The following HTRA3 variants were observed in gnomAD, a reference collection of about 807,000 sequenced individuals.
HTRA3 encodes HtrA serine peptidase 3.
A neutral mutation model predicts 43.2 loss-of-function variants in HTRA3; 41 were observed. The observed-to-expected ratio is 0.95, with a 90% CI of 0.74 to 1.23. HTRA3 has a LOEUF of 1.23. Ranked by LOEUF, HTRA3 falls within the 50% of genes most tolerant of loss-of-function variation. HTRA3 has a pLI of 0.00. For synonymous variants in HTRA3, 295 were observed against 287.9 expected, an observed-to-expected ratio of 1.02 and a Z score of -0.25; for missense variants, 628 against 647.1, an observed-to-expected ratio of 0.97 and a Z score of 0.32.
At chr4:8,282,277 G>A (rs1712777410) in intron 1 of HTRA3, among the ~76,000 whole-genome samples, 160 bp from the exon 2 acceptor site, 1 of 152,206 alleles carries the variant, frequency 6.6e-6, no homozygotes. Flanking sequence ...CTGCTGTGTG[G>A]TAGGGGGTCC....
At chr4:8,302,552 C>G in intron 7 of HTRA3, 41 bp downstream of exon 7, 1 of 1,596,844 alleles carries the variant, frequency 6.3e-7, no homozygotes, top group South Asian at 1.1e-5. Flanking sequence ...ACCCCTTCCT[C>G]TCATCCCTCA....
chr4:8,305,930 G>A, intron 8 of HTRA3, 41 bp from the exon 9 acceptor site: 1 of 1,610,246 alleles, frequency 6.2e-7, no homozygotes, highest in Non-Finnish European at 8.5e-7. Context: ...GGCTGTGCCT[G>A]GGGAGGCGGT....
rs1712971059 is a variant in HTRA3, at chr4:8,286,501, C to T, written c.486-60C>T. 2.1e-6 allele frequency: 3 copies of T among 1,418,308 alleles called. No homozygotes were observed. The highest frequency in any genetic ancestry group is 1.2e-5 in the South Asian group (1 of 83,504). 87.9% of individuals were successfully genotyped at this position (1,418,308 alleles called of 1,614,324 possible). A position where few individuals can be genotyped will look rare whatever the true frequency, so the allele number is the denominator to read the frequency against. ...CTCGCTGACCAGCCCCACCACTGCG[C>T]CTGACTCCCCCGCGTCCTAGCCCCA... On this transcript the variant is annotated intron_variant, in intron 2 of 8. Transcript: ENST00000307358. The surrounding 1 kb of genome is among the most constrained non-coding windows in gnomAD (Gnocchi z 4.9).
chr4:8,296,359 G>C lies in HTRA3; in HGVS notation c.1051+2158G>C. The C allele has an allele frequency of 1.0e-6, 1 of 985,452 alleles. No homozygotes were observed. Among genetic ancestry groups the C allele is most frequent in the Non-Finnish European group, 1.2e-6 (1 of 829,962 alleles). The allele number at this position is 985,452 out of a possible 1,614,324, so 61.0% of individuals were successfully genotyped here. On this transcript the variant is annotated intron_variant, in intron 6 of 8. Coordinates refer to ENST00000307358, the MANE Select transcript of HTRA3 (RefSeq NM_053044.5). This position sits in a 1 kb window ranked among gnomAD's most constrained non-coding sequence, Gnocchi z 5.3. ...TCCCCAAGGACAGTGCAGACTAACT[G>C]AGGAGCCTGATAAACCTTAGCTGCA... is the stretch of plus-strand genomic sequence containing the variant.
Position 8,296,184 on chromosome 4 carries a change from T to C in HTRA3, c.1051+1983T>C. 1 of 986,928 alleles carries C rather than the reference T, an allele frequency of 1.0e-6. No homozygotes were observed. The highest frequency in any genetic ancestry group is 1.2e-6 in the Non-Finnish European group (1 of 830,972). 61.1% of individuals were successfully genotyped at this position (986,928 alleles called of 1,614,324 possible). On this transcript the variant is annotated intron_variant, in intron 6 of 8. Coordinates refer to ENST00000307358, the MANE Select transcript of HTRA3 (RefSeq NM_053044.5). The surrounding 1 kb of genome is among the most constrained non-coding windows in gnomAD (Gnocchi z 5.3). ...TCCTTGGAAGTGGATGATAGTGTCC[T>C]CTTCCCTTCTTGCCTCTCTCTTTCT...
At chr4:8,274,601 A>G (rs1453167966) in intron 1 of HTRA3, among the ~76,000 whole-genome samples, 1 of 152,220 alleles carries the variant, frequency 6.6e-6, no homozygotes, top group Non-Finnish European at 1.5e-5. Flanking sequence ...ACCACTTCTC[A>G]GGGGAACCCT....
At chr4:8,291,640 C>A in intron 4 of HTRA3, 76 bp downstream of exon 4, 1 of 1,133,136 alleles carries the variant, frequency 8.8e-7, no homozygotes, top group South Asian at 1.6e-5. Context: ...GTCTCTGACT[C>A]GGCTTGCCCC....
At chr4:8,304,046 A>AGTG (rs1713750930) in intron 7 of HTRA3, 138 bp from the exon 8 acceptor site, 1 of 616,102 alleles carries the variant, frequency 1.6e-6, no homozygotes, top group African/African-American at 1.8e-5. Flanking sequence ...CAGAGTGGCC[A>AGTG]GTGGTGGGAC....
chr4:8,305,226 G>A (rs1459375620), intron 8 of HTRA3, among the ~76,000 whole-genome samples: 1 of 152,248 alleles, frequency 6.6e-6, no homozygotes. Flanking sequence ...TCAGAGGCTG[G>A]GCTTGAAGGT....
chr4:8,284,801 A>T (rs527398507), intron 2 of HTRA3, among the ~76,000 whole-genome samples: 1 of 152,186 alleles, frequency 6.6e-6, no homozygotes, highest in Non-Finnish European at 1.5e-5. Flanking sequence ...CTAGGCAAGT[A>T]GTTCAGCGTC....
At chr4:8,299,330 A>C (rs1384639640) in intron 6 of HTRA3, among the ~76,000 whole-genome samples, 2 of 152,250 alleles carry the variant, frequency 1.3e-5, no homozygotes, top group Admixed American at 6.5e-5. Flanking sequence ...TTGGATGTTC[A>C]CCATAAGATA....
intron 1 of HTRA3, among the ~76,000 whole-genome samples, chr4:8,281,480 G>A (rs376280048): frequency 9.2e-5 from 14 of 152,334 alleles, no homozygotes; most frequent in African/African-American, 3.1e-4. Context: ...TTTTTCAGAT[G>A]AGGAGTTGAG....
chr4:8,284,338 C>A (rs1054142042), intron 2 of HTRA3, among the ~76,000 whole-genome samples: 3 of 152,206 alleles, frequency 2.0e-5, no homozygotes, highest in African/African-American at 7.2e-5. Flanking sequence ...GGGGCAGCAT[C>A]TTTCTGGAAG....
At chr4:8,284,065 C>T (rs913044370) in intron 2 of HTRA3, among the ~76,000 whole-genome samples, 1 of 152,202 alleles carries the variant, frequency 6.6e-6, no homozygotes. Flanking sequence ...ATCCTCCACA[C>T]CTGCTGGGAG....
Position 8,304,205 on chromosome 4 carries a change from C to T in HTRA3, c.1122C>T (p.Ala374=). Residue 374 remains alanine, a synonymous_variant, in exon 8 of 9, where the codon GCC becomes GCT. Coordinates refer to ENST00000307358, the MANE Select transcript of HTRA3 (RefSeq NM_053044.5). ...CCAGCCTGGTGGATGAGCTGAAGGCCAGCAACCCGGACTTCCCAGAGGTCA... is the reference window on the plus strand; with the variant it reads ...CCAGCCTGGTGGATGAGCTGAAGGCTAGCAACCCGGACTTCCCAGAGGTCA... ...ITPSLVDELK[A]SNPDFPEVSS... is the part of the protein sequence containing the mutation. 1 of 1,614,142 alleles carries T rather than the reference C, an allele frequency of 6.2e-7. No homozygotes were observed. The highest frequency in any genetic ancestry group is 8.5e-7 in the Non-Finnish European group (1 of 1,180,012).
intron 1 of HTRA3, among the ~76,000 whole-genome samples, chr4:8,272,756 G>A (rs530143138): frequency 6.6e-6 from 1 of 152,380 alleles, no homozygotes; most frequent in South Asian, 2.1e-4. Context: ...GGGCAAGGCA[G>A]AGACCTGCAC....
chr4:8,294,269 C>G, intron 6 of HTRA3, 68 bp downstream of exon 6: 4 of 1,193,948 alleles, frequency 3.4e-6, no homozygotes, highest in Non-Finnish European at 4.8e-6. Flanking sequence ...CCCTTAACAC[C>G]CCAGCCCTGG....
chr4:8,283,156 A>G (rs1191000689), intron 2 of HTRA3, among the ~76,000 whole-genome samples: 1 of 152,194 alleles, frequency 6.6e-6, no homozygotes. Flanking sequence ...TAGTGAAGGA[A>G]GTGGCAGAAT....
In HTRA3 at chr4:8,270,212, C is replaced by G; in HGVS notation, c.244C>G (p.Arg82Gly). 5 of 1,539,008 alleles carry G rather than the reference C, an allele frequency of 3.2e-6. No individual in the cohort carries two copies. The highest frequency in any genetic ancestry group is 3.5e-6 in the Non-Finnish European group (4 of 1,154,320). Residue 82 changes from arginine (R) to glycine (G), a missense_variant, in exon 1 of 9, where the codon CGC (arginine) becomes GGC (glycine). Physicochemically the swap from Arg to Gly is moderately radical, Grantham distance 125. Coordinates refer to ENST00000307358, the MANE Select transcript of HTRA3 (RefSeq NM_053044.5). ...ESLECVRGLC[R>G]CRWSHAVCGT... ...CCTGGAGTGCGTGCGCGGCCTATGC[C>G]GCTGCCGCTGGTCGCACGCCGTGTG...
Sources: allele counts gnomAD v4.1 joint callset (sites outside exome capture counted in the v4.1 genomes callset), GRCh38; gene constraint gnomAD v4.1.1; non-coding constraint Gnocchi (gnomAD v3.1); transcripts MANE v1.5; gene names NCBI Gene and HGNC (gene_info 2026-07-23, HGNC 2026-07-21).